Variants in RALYL observed in about 807,000 individuals in gnomAD.
RALYL encodes the protein RNA-binding Raly-like protein.
Under a neutral mutation model 35.1 loss-of-function variants are expected in RALYL, and 29 were observed. That is an observed-to-expected ratio of 0.83 (90% CI 0.61 to 1.13). The LOEUF (loss-of-function observed/expected upper bound fraction) is 1.13. Among genes scored for constraint, RALYL ranks in the 50% most tolerant of loss-of-function variants. The probability of loss-of-function intolerance (pLI) is 0.00; values close to 1 mark genes in which losing one functional copy is unlikely to be tolerated. For missense variants in RALYL, 359 were observed against 360.4 expected, an observed-to-expected ratio of 1.00 and a Z score of 0.03; for synonymous variants, 120 against 127.6, an observed-to-expected ratio of 0.94 and a Z score of 0.40.
intron 1 of RALYL, among the ~76,000 whole-genome samples, chr8:84,408,235 T>G (rs1428073329): frequency 6.6e-6 from 1 of 152,140 alleles, no homozygotes; most frequent in African/African-American, 2.4e-5. Context: ...ATTTTTCTGT[T>G]GAACACAATA....
chr8:84,376,739 A>T lies in RALYL; in HGVS notation c.-23-152560A>T, dbSNP rs530032001. Among the ~76,000 whole-genome samples, 11 of 151,964 alleles carry T rather than the reference A, an allele frequency of 7.2e-5. No homozygotes were observed. In the East Asian group the frequency reaches 2.1e-3, roughly 29 times the overall value. On this transcript the variant is annotated intron_variant, in intron 1 of 8. Transcript: ENST00000521268. ...TGACCCTGATGTTCATGAGTTTCTT[A>T]ATTTCTTCTACATTGAGGGTATTTT... is the stretch of plus-strand genomic sequence containing the variant.
intron 1 of RALYL, among the ~76,000 whole-genome samples, chr8:84,450,527 T>A (rs1485919680): frequency 2.0e-5 from 3 of 151,930 alleles, no homozygotes; most frequent in African/African-American, 7.2e-5. Flanking sequence ...AGATAATTAG[T>A]TTAGTAATTT....
At chr8:84,836,017 G>A (rs569913642) in intron 4 of RALYL, among the ~76,000 whole-genome samples, 21 of 152,254 alleles carry the variant, frequency 1.4e-4, no homozygotes, top group African/African-American at 5.1e-4. Context: ...GTAAGCCATG[G>A]GGACTAATTG....
At chr8:84,673,616 A>G (rs766055158) in intron 2 of RALYL, among the ~76,000 whole-genome samples, 1 of 152,172 alleles carries the variant, frequency 6.6e-6, no homozygotes, top group South Asian at 2.1e-4. Context: ...TTATCCCAGA[A>G]CAATTTATTG....
intron 1 of RALYL, among the ~76,000 whole-genome samples, chr8:84,443,243 A>G (rs1179135731): frequency 2.6e-5 from 4 of 152,148 alleles, no homozygotes; most frequent in Non-Finnish European, 4.4e-5. Flanking sequence ...ACAAAGAGCT[A>G]GTAGAGACTG....
At chr8:84,547,502 C>A (rs1282136691) in intron 2 of RALYL, among the ~76,000 whole-genome samples, 1 of 151,970 alleles carries the variant, frequency 6.6e-6, no homozygotes, top group Non-Finnish European at 1.5e-5. Context: ...ACCTCAGCCT[C>A]CCGAGGAGCT....
intron 1 of RALYL, among the ~76,000 whole-genome samples, chr8:84,319,784 A>G (rs28590718): frequency 0.11 from 17,221 of 152,066 alleles, 1,681 homozygotes; most frequent in African/African-American, 0.26. Flanking sequence ...CCATCATTCC[A>G]TCACTTAAAT....
At chr8:84,799,288 T>TAACA (rs1822636605) in intron 3 of RALYL, among the ~76,000 whole-genome samples, 1 of 152,208 alleles carries the variant, frequency 6.6e-6, no homozygotes, top group Admixed American at 6.5e-5. Context: ...GAAGTACCAC[T>TAACA]AACAAACCCA....
At position 84,373,091 on chromosome 8, in the gene RALYL, A is replaced by T. The variant is rs1015090581; in HGVS notation, c.-23-156208A>T. Among the ~76,000 whole-genome samples, 18 of 147,338 alleles carry T rather than the reference A, an allele frequency of 1.2e-4. 2 individuals carry two copies. The South Asian group carries it at 3.4e-3, about 28-fold the overall frequency. On this transcript the variant is annotated intron_variant, in intron 1 of 8. Transcript: ENST00000521268. ...CCTTTGCCCACTTTTTAATGGGGTT[A>T]TTTTTTTTTCTTATGAATTTAAGTT...
chr8:84,828,132 C>A (rs1830097610), intron 4 of RALYL, among the ~76,000 whole-genome samples: 1 of 151,966 alleles, frequency 6.6e-6, no homozygotes, highest in African/African-American at 2.4e-5. Flanking sequence ...GGAAATTATA[C>A]CTCTCTGTGT....
chr8:84,920,940 A>T lies in RALYL; in HGVS notation c.*29A>T. 7.2e-7 allele frequency: 1 copy of T among 1,396,366 alleles called. No individual in the cohort carries two copies. Among genetic ancestry groups the T allele is most frequent in the South Asian group, 1.5e-5 (1 of 67,700 alleles). The allele number at this position is 1,396,366 out of a possible 1,614,324, so 86.5% of individuals were successfully genotyped here. Reference sequence around the variant, plus strand: ...GAAATAACGCATGATGCCACAAAGCAGAAAAGAGAAACTGTGACAACCCCC... The same window carrying T: ...GAAATAACGCATGATGCCACAAAGCTGAAAAGAGAAACTGTGACAACCCCC... On this transcript the variant is annotated 3_prime_UTR_variant, in exon 9 of 9. Transcript: ENST00000521268.
chr8:84,735,811 CGAGAGAGAGA>C (rs59842702), intron 2 of RALYL, among the ~76,000 whole-genome samples: 17 of 111,310 alleles, frequency 1.5e-4, no homozygotes, highest in African/African-American at 4.0e-4. Context: ...ATCCAAACCG[CGAGAGAGAGA>C]GAGAGAGAGA....
Position 84,259,496 on chromosome 8 carries a change from G to A in RALYL, c.-24+75072G>A, listed in dbSNP as rs540618951. ...AAAATGAGGCATAAAGAAGTTAAGCGACTTGAACAGGGATACTCAGCATTA... is the reference window on the plus strand; with the variant it reads ...AAAATGAGGCATAAAGAAGTTAAGCAACTTGAACAGGGATACTCAGCATTA... On this transcript the variant is annotated intron_variant, in intron 1 of 8. Transcript: ENST00000521268. Among the ~76,000 whole-genome samples the A allele has an allele frequency of 5.3e-5, 8 of 152,160 alleles. No individual in the cohort carries two copies. In the South Asian group the frequency reaches 1.7e-3, roughly 32 times the overall value.
chr8:84,461,994 A>G (rs1448943154), intron 1 of RALYL, among the ~76,000 whole-genome samples: 1 of 151,772 alleles, frequency 6.6e-6, no homozygotes, highest in African/African-American at 2.4e-5. Context: ...ACATGTATCT[A>G]CCATTACAGT....
chr8:84,239,724 C>G (rs562091050), intron 1 of RALYL, among the ~76,000 whole-genome samples: 3 of 152,042 alleles, frequency 2.0e-5, no homozygotes, highest in Non-Finnish European at 4.4e-5. Context: ...AATGCTGTCT[C>G]TACTAAAAAT....
chr8:84,317,759 G>T (rs1041459023), intron 1 of RALYL, among the ~76,000 whole-genome samples: 1 of 152,108 alleles, frequency 6.6e-6, no homozygotes, highest in African/African-American at 2.4e-5. Flanking sequence ...TTTTTGAAGA[G>T]GGAAGTGTCA....
intron 2 of RALYL, 80 bp downstream of exon 2, chr8:84,529,657 CTGT>C: frequency 4.7e-6 from 6 of 1,279,264 alleles, no homozygotes; most frequent in Non-Finnish European, 6.5e-6. Flanking sequence ...CCCAACACCA[CTGT>C]TGTTTCTACC....
At chr8:84,555,633 T>A (rs1209090863) in intron 2 of RALYL, among the ~76,000 whole-genome samples, 1 of 152,248 alleles carries the variant, frequency 6.6e-6, no homozygotes, top group African/African-American at 2.4e-5. Flanking sequence ...TGTTTTGACA[T>A]TTTAATTTAA....
intron 2 of RALYL, among the ~76,000 whole-genome samples, chr8:84,543,756 A>G (rs779680863): frequency 6.6e-5 from 10 of 152,132 alleles, no homozygotes; most frequent in Non-Finnish European, 1.5e-4. Flanking sequence ...TGATATGACA[A>G]AATGTTTCTG....
Sources: allele counts gnomAD v4.1 joint callset (sites outside exome capture counted in the v4.1 genomes callset), GRCh38; gene constraint gnomAD v4.1.1; transcripts MANE v1.5; gene names NCBI Gene and HGNC (gene_info 2026-07-23, HGNC 2026-07-21).